The following THSD7A variants were observed in gnomAD, a reference collection of about 807,000 sequenced individuals.
THSD7A encodes thrombospondin type 1 domain containing 7A.
THSD7A carries 96 observed loss-of-function variants against 231.3 expected under a neutral mutation model. That is an observed-to-expected ratio of 0.41 (90% CI 0.35 to 0.49). The LOEUF is 0.49. Among genes scored for constraint, THSD7A ranks in the 20% least tolerant of loss-of-function variants. THSD7A has a pLI of 0.05. For missense variants in THSD7A, 2,290 were observed against 2,070.2 expected (o/e 1.11, Z -2.06); for synonymous variants, 940 against 743.3 (o/e 1.26, Z -4.30).
chr7:11,642,913 C>T (rs908317493), intron 1 of THSD7A, among the ~76,000 whole-genome samples: 6 of 152,084 alleles, frequency 3.9e-5, no homozygotes, highest in African/African-American at 1.2e-4. Flanking sequence ...ATTACTCTTT[C>T]CCCACCATAT....
intron 1 of THSD7A, among the ~76,000 whole-genome samples, chr7:11,662,884 C>A (rs927111217): frequency 6.6e-6 from 1 of 151,284 alleles, no homozygotes. Flanking sequence ...AAATGTGCCA[C>A]ATTAAAATTT....
At chr7:11,777,595 T>G (rs577871050) in intron 1 of THSD7A, among the ~76,000 whole-genome samples, 1 of 152,254 alleles carries the variant, frequency 6.6e-6, no homozygotes, top group South Asian at 2.1e-4. Context: ...AGGAGATTAT[T>G]CCTACATTTT....
At chr7:11,559,856 T>C (rs1276777745) in intron 4 of THSD7A, among the ~76,000 whole-genome samples, 1 of 152,190 alleles carries the variant, frequency 6.6e-6, no homozygotes, top group Admixed American at 6.5e-5. Context: ...GGAATTTAAG[T>C]TGTTTTGATC....
rs1250082608 is a variant in THSD7A, at chr7:11,590,023, A to C, written c.1453+437T>G. Among the ~76,000 whole-genome samples, 2 of 152,184 alleles carry C rather than the reference A, an allele frequency of 1.3e-5. No individual in the cohort carries two copies. Among genetic ancestry groups the C allele is most frequent in the Non-Finnish European group, 2.9e-5 (2 of 68,032 alleles). On this transcript the variant is annotated intron_variant, in intron 4 of 27. Transcript: ENST00000423059. This position sits in a 1 kb window ranked among gnomAD's most constrained non-coding sequence, Gnocchi z 4.4. ...TATTTAAATTGAAATTGACAATTTT[A>C]TTCAATATCATAATTAACTTATTTT...
rs59629221 is a variant in THSD7A at position 11,634,968 on chromosome 7, A to G, written c.1022+1162T>C. Among the ~76,000 whole-genome samples the G allele has an allele frequency of 0.014, 2,118 of 152,314 alleles. 48 individuals are homozygous for G. Among genetic ancestry groups the G allele is most frequent in the African/African-American group, 0.048 (1,992 of 41,554 alleles). The stretch of plus-strand genomic sequence containing the variant: ...TGAAAAAAAAATCAGGTGAGAAAAA[A>G]AATAAAGCTAAATAAAGCTAAAGAT... On this transcript the variant is annotated intron_variant, in intron 2 of 27. Transcript: ENST00000423059. This position sits in a 1 kb window ranked among gnomAD's most constrained non-coding sequence, Gnocchi z 4.1.
chr7:11,671,491 C>A lies in THSD7A; in HGVS notation c.191-34530G>T, dbSNP rs148014162. Among the ~76,000 whole-genome samples, 102 of 152,084 alleles carry A rather than the reference C, an allele frequency of 6.7e-4. 2 individuals are homozygous for A. Among genetic ancestry groups the A allele is most frequent in the African/African-American group, 2.2e-3 (91 of 41,490 alleles). Reference sequence around the variant, plus strand: ...GCTGAGAAACATTCTGTTCATCTGGCCTTGTGTTCATTTATTATTTATTGT... The same window carrying A: ...GCTGAGAAACATTCTGTTCATCTGGACTTGTGTTCATTTATTATTTATTGT... On this transcript the variant is annotated intron_variant, in intron 1 of 27. Transcript: ENST00000423059.
rs374610291 is a variant in THSD7A, at chr7:11,442,168, A to T, written c.3064+3893T>A. Among the ~76,000 whole-genome samples the T allele has an allele frequency of 1.3e-4, 20 of 152,136 alleles. No homozygotes were observed. The East Asian group carries it at 3.5e-3, about 27-fold the overall frequency. On this transcript the variant is annotated intron_variant, in intron 13 of 27. Transcript: ENST00000423059. ...CATGCATCAGGATGGATGAACTTTT[A>T]TGTGGCTCCCAAAGAATACTATAAT... is the stretch of plus-strand genomic sequence containing the variant.
chr7:11,821,026 T>G (rs1462744419), intron 1 of THSD7A: 1 of 992,296 alleles, frequency 1.0e-6, no homozygotes, highest in Non-Finnish European at 1.6e-6. Context: ...CCAGGTTTTC[T>G]GGGACTTTTC....
chr7:11,461,500 A>G (rs1785503632), intron 10 of THSD7A, among the ~76,000 whole-genome samples: 2 of 152,194 alleles, frequency 1.3e-5, no homozygotes, highest in South Asian at 4.1e-4. Flanking sequence ...TCAAGATGAT[A>G]TATAGCTTCG....
At chr7:11,657,770 T>C (rs1231815251) in intron 1 of THSD7A, among the ~76,000 whole-genome samples, 3 of 151,840 alleles carry the variant, frequency 2.0e-5, no homozygotes, top group Non-Finnish European at 4.4e-5. Context: ...GTAAATATAG[T>C]TATGAAAGCA....
At chr7:11,537,644 C>T (rs1489443447) in intron 6 of THSD7A, among the ~76,000 whole-genome samples, 1 of 145,326 alleles carries the variant, frequency 6.9e-6, no homozygotes, top group Non-Finnish European at 1.5e-5. Flanking sequence ...GCCATGCTTC[C>T]TGTACAGCCT....
At chr7:11,642,316 T>A (rs534802646) in intron 1 of THSD7A, among the ~76,000 whole-genome samples, 4 of 152,256 alleles carry the variant, frequency 2.6e-5, no homozygotes, top group African/African-American at 9.6e-5. Context: ...CAAAAATTGC[T>A]TCTTTTATTG....
At chr7:11,667,392 C>G (rs376655263) in intron 1 of THSD7A, among the ~76,000 whole-genome samples, 4 of 152,240 alleles carry the variant, frequency 2.6e-5, no homozygotes, top group South Asian at 2.1e-4. Flanking sequence ...TCAGTATTGC[C>G]TCAACCTACA....
At chr7:11,774,395 G>A (rs1783332945) in intron 1 of THSD7A, among the ~76,000 whole-genome samples, 1 of 152,012 alleles carries the variant, frequency 6.6e-6, no homozygotes, top group Non-Finnish European at 1.5e-5. Context: ...CAGTTCTAGA[G>A]ATGTGCTGTA....
chr7:11,539,197 G>A (rs1314974009), intron 6 of THSD7A, among the ~76,000 whole-genome samples: 1 of 152,106 alleles, frequency 6.6e-6, no homozygotes, highest in African/African-American at 2.4e-5. Context: ...TAATATGGGA[G>A]CAGTAGTTAC....
At chr7:11,489,704 C>G (rs1163175352) in intron 6 of THSD7A, among the ~76,000 whole-genome samples, 1 of 152,064 alleles carries the variant, frequency 6.6e-6, no homozygotes, top group Non-Finnish European at 1.5e-5. Context: ...CTAACGTCCT[C>G]TAGCACTTTT....
At chr7:11,450,341 A>T (rs193271139) in intron 11 of THSD7A, among the ~76,000 whole-genome samples, 7 of 152,174 alleles carry the variant, frequency 4.6e-5, no homozygotes, top group African/African-American at 1.4e-4. Context: ...AAATTGTGTA[A>T]AATTCCCATA....
intron 4 of THSD7A, among the ~76,000 whole-genome samples, chr7:11,575,605 G>A (rs534347958): frequency 8.5e-5 from 13 of 152,258 alleles, no homozygotes; most frequent in Admixed American, 2.0e-4. Context: ...CTTGTGTCAG[G>A]GGATATAACG....
intron 23 of THSD7A, among the ~76,000 whole-genome samples, chr7:11,391,958 G>C (rs974600604): frequency 3.9e-5 from 6 of 151,910 alleles, no homozygotes; most frequent in African/African-American, 1.4e-4. Context: ...GAAATGAATT[G>C]GGTACCTCAA....
Sources: gnomAD v4.1 joint callset for allele counts (sites outside exome capture counted in the v4.1 genomes callset) on GRCh38, gnomAD v4.1.1 for gene constraint, Gnocchi (gnomAD v3.1) non-coding constraint, MANE v1.5 for transcripts, NCBI Gene and HGNC (gene_info 2026-07-23, HGNC 2026-07-21) for gene names.